The following HYDIN variants were observed in gnomAD, a reference collection of about 807,000 sequenced individuals.
HYDIN encodes the protein axonemal central pair apparatus protein HYDIN.
In HYDIN, 132 loss-of-function variants were observed where a neutral mutation model predicts 403.9. The ratio of observed to expected loss-of-function variants is 0.33; its 90% CI spans 0.28 to 0.38. HYDIN has a LOEUF of 0.38. HYDIN is among the 10% of genes least tolerant of loss of function. The probability of loss-of-function intolerance (pLI) is 1.00; values close to 1 mark genes in which losing one functional copy is unlikely to be tolerated. For synonymous variants in HYDIN, 1,202 were observed against 1,891.7 expected (o/e 0.64, Z 9.46); for missense variants, 2,827 against 5,009.5 (o/e 0.56, Z 13.15).
At chr16:71,203,789 G>A (rs2088149325) in intron 1 of HYDIN, 2 of 455,916 alleles carry the variant, frequency 4.4e-6, no homozygotes, top group African/African-American at 4.0e-5. Flanking sequence ...TGTGAGTCCA[G>A]AACAGATAAC....
Position 71,075,831 on chromosome 16 carries a change from G to A in HYDIN, c.1738+4054C>T, listed in dbSNP as rs569498550. 135 of 209,444 alleles carry A rather than the reference G, an allele frequency of 6.4e-4. 1 individual carries two copies. In the South Asian group the frequency reaches 8.1e-3, roughly 13 times the overall value. The allele number at this position is 209,444 out of a possible 1,614,324, so 13.0% of individuals were successfully genotyped here. On this transcript the variant is annotated intron_variant, in intron 13 of 85. Coordinates refer to ENST00000393567, the MANE Select transcript of HYDIN (RefSeq NM_001270974.2). ...TAAATAGGTTGAGGGGATGTTGGAA[G>A]CAAAGGGACTTCTGCCTGGCTTTCT...
chr16:70,985,331 G>C lies in HYDIN; in HGVS notation c.4195-9C>G, dbSNP rs754507356. The C allele has an allele frequency of 7.6e-7, 1 of 1,319,582 alleles. No homozygotes were observed. Among genetic ancestry groups the C allele is most frequent in the Non-Finnish European group, 1.0e-6 (1 of 959,402 alleles). 81.7% of individuals were successfully genotyped at this position (1,319,582 alleles called of 1,614,324 possible). ...GTGACATGGTCAAACAGCTTGAGAA[G>C]AGAAGGAGAAGAGTGACTCCATCTT... On this transcript the variant is annotated splice_polypyrimidine_tract_variant and intron_variant, in intron 27 of 85. Coordinates refer to ENST00000393567, the MANE Select transcript of HYDIN (RefSeq NM_001270974.2).
Position 71,106,760 on chromosome 16 carries a change from C to T in HYDIN, c.1327+8936G>A, listed in dbSNP as rs1287444929. ...GCAACATAGATGAGACATGTAGGCTCATTTCAGATATGTACATTTCAAAAC... is the reference window on the plus strand; with the variant it reads ...GCAACATAGATGAGACATGTAGGCTTATTTCAGATATGTACATTTCAAAAC... On this transcript the variant is annotated intron_variant, in intron 10 of 85. Coordinates refer to ENST00000393567, the MANE Select transcript of HYDIN (RefSeq NM_001270974.2). 8.0e-5 allele frequency among the ~76,000 whole-genome samples: 12 copies of T among 150,276 alleles called. No individual in the cohort carries two copies. The Admixed American group carries it at 8.0e-4, about 10-fold the overall frequency.
intron 41 of HYDIN, among the ~76,000 whole-genome samples, chr16:70,950,851 G>A (rs1384179940): frequency 6.6e-6 from 1 of 151,950 alleles, no homozygotes; most frequent in African/African-American, 2.4e-5. Flanking sequence ...CAGCTCTCTT[G>A]CCCCTCGTTA....
intron 7 of HYDIN, 34 bp from the exon 8 acceptor site, chr16:71,137,386 A>G (rs1226490122): frequency 3.6e-6 from 2 of 558,228 alleles, no homozygotes; most frequent in South Asian, 2.2e-5. Context: ...ACACTTCAAG[A>G]TTTATTCTAA....
chr16:70,963,040 G>C (rs1471946397), intron 37 of HYDIN, among the ~76,000 whole-genome samples: 1 of 152,136 alleles, frequency 6.6e-6, no homozygotes, highest in African/African-American at 2.4e-5. Flanking sequence ...TGACGACAAG[G>C]GGAGCACCAA....
At chr16:70,923,647 C>CAAAAAAAAAAAAAA (rs57860871) in intron 45 of HYDIN, among the ~76,000 whole-genome samples, 4 of 69,280 alleles carry the variant, frequency 5.8e-5, no homozygotes, top group East Asian at 4.3e-4. Context: ...CTAAAAAATA[C>CAAAAAAAAAAAAAA]AAAAAAAAAA....
chr16:71,006,590 C>T (rs1040802827), intron 23 of HYDIN, among the ~76,000 whole-genome samples: 8 of 152,068 alleles, frequency 5.3e-5, no homozygotes, highest in African/African-American at 1.9e-4. Context: ...ATGATTATCA[C>T]TAAAAATCCC....
At chr16:70,882,927 G>A in intron 59 of HYDIN, 32 bp from the exon 60 acceptor site, 1 of 1,516,954 alleles carries the variant, frequency 6.6e-7, no homozygotes, top group Non-Finnish European at 9.2e-7. Context: ...ATGAGATGCT[G>A]CCTGATTGCT....
At chr16:70,853,970 C>T (rs965082056) in intron 73 of HYDIN, among the ~76,000 whole-genome samples, 1 of 148,472 alleles carries the variant, frequency 6.7e-6, no homozygotes, top group African/African-American at 2.6e-5. Context: ...ACCTCTGCCT[C>T]CTGGGTTCAA....
intron 18 of HYDIN, among the ~76,000 whole-genome samples, chr16:71,052,950 T>C (rs1024492): frequency 0.31 from 42,730 of 138,426 alleles, 6,391 homozygotes; most frequent in East Asian, 0.62. Flanking sequence ...ATTCATAAAA[T>C]TGACATCAAA....
chr16:70,962,504 G>C (rs1477539783), intron 37 of HYDIN, among the ~76,000 whole-genome samples: 1 of 152,226 alleles, frequency 6.6e-6, no homozygotes, highest in Non-Finnish European at 1.5e-5. Context: ...CAGGAGAGCT[G>C]CAACCTCTCA....
Position 71,022,800 on chromosome 16 carries a change from T to C in HYDIN, c.3187-2483A>G, listed in dbSNP as rs2080545173. Among the ~76,000 whole-genome samples, 4 of 148,046 alleles carry C rather than the reference T, an allele frequency of 2.7e-5. No individual in the cohort carries two copies. The East Asian group carries it at 7.8e-4, about 29-fold the overall frequency. On this transcript the variant is annotated intron_variant, in intron 21 of 85. Coordinates refer to ENST00000393567, the MANE Select transcript of HYDIN (RefSeq NM_001270974.2). The stretch of plus-strand genomic sequence containing the variant: ...CAGGGAACTGTAGCTCAATTCACTT[T>C]TTGATTGAATAAGAAGTTACCGCCA...
At chr16:71,179,739 GAGAAGCC>G (rs1230185040) in intron 3 of HYDIN, among the ~76,000 whole-genome samples, 1 of 152,180 alleles carries the variant, frequency 6.6e-6, no homozygotes, top group Non-Finnish European at 1.5e-5. Context: ...ACCAACCACT[GAGAAGCC>G]AGGTTTGTAA....
intron 1 of HYDIN, among the ~76,000 whole-genome samples, chr16:71,203,083 A>G (rs576246683): frequency 1.3e-5 from 2 of 152,332 alleles, no homozygotes; most frequent in East Asian, 3.9e-4. Flanking sequence ...GCCTCATCAC[A>G]TGGAGAAGTC....
chr16:70,808,123 A>G, intron 85 of HYDIN, 61 bp from the exon 86 acceptor site: 1 of 1,535,550 alleles, frequency 6.5e-7, no homozygotes, highest in African/African-American at 1.4e-5. Context: ...CCAGGAGCTC[A>G]AGTCTACCCC....
intron 58 of HYDIN, 91 bp downstream of exon 58, chr16:70,889,496 T>C: frequency 3.3e-6 from 1 of 305,344 alleles, no homozygotes; most frequent in Non-Finnish European, 5.3e-6. Context: ...TGGATTCAAA[T>C]CCTGTTATCC....
chr16:71,214,290 T>C (rs1365887471), intron 1 of HYDIN, among the ~76,000 whole-genome samples: 1 of 152,096 alleles, frequency 6.6e-6, no homozygotes, highest in Non-Finnish European at 1.5e-5. Context: ...TTCAGTATTG[T>C]AAAAGATATT....
rs2035011620 is a variant in HYDIN, at chr16:70,804,232, T to C, written c.*3348A>G. 6.6e-6 allele frequency among the ~76,000 whole-genome samples: 1 copy of C among 152,178 alleles called. No homozygotes were observed. The highest frequency in any genetic ancestry group is 2.4e-5 in the African/African-American group (1 of 41,444). On this transcript the variant is annotated 3_prime_UTR_variant, in exon 86 of 86. Transcript: ENST00000393567. Reference sequence around the variant, plus strand: ...TTGGTCCCAGGGAGAAGGAACTTCCTCCTCTCTCAGGGGCTAGGAGGATTT... The same window carrying C: ...TTGGTCCCAGGGAGAAGGAACTTCCCCCTCTCTCAGGGGCTAGGAGGATTT...
Sources: allele counts gnomAD v4.1 joint callset (sites outside exome capture counted in the v4.1 genomes callset), GRCh38; gene constraint gnomAD v4.1.1; transcripts MANE v1.5; gene names NCBI Gene and HGNC (gene_info 2026-07-23, HGNC 2026-07-21).